The following HERC3 variants were observed in gnomAD, a reference collection of about 807,000 sequenced individuals.
HERC3 encodes the protein probable E3 ubiquitin-protein ligase HERC3.
HERC3 carries 58 observed loss-of-function variants against 129.9 expected under a neutral mutation model. The ratio of observed to expected loss-of-function variants is 0.45; its 90% confidence interval spans 0.36 to 0.56. The LOEUF (loss-of-function observed/expected upper bound fraction) is 0.56, where lower values mean the gene tolerates loss of function less well. HERC3 is among the 20% of genes least tolerant of loss of function. The pLI is 0.00. For missense variants in HERC3, 835 were observed against 1,244.2 expected (o/e 0.67, Z 4.95); for synonymous variants, 430 against 451.0 (o/e 0.95, Z 0.59).
chr4:88,691,345 C>A (rs1465767350), intron 23 of HERC3, among the ~76,000 whole-genome samples: 1 of 152,164 alleles, frequency 6.6e-6, no homozygotes, highest in East Asian at 1.9e-4. Context: ...GTCACAGTTA[C>A]CTGTTTGTCT....
At chr4:88,599,656 TA>T (rs769345190) in intron 2 of HERC3, among the ~76,000 whole-genome samples, 1 of 152,108 alleles carries the variant, frequency 6.6e-6, no homozygotes, top group Non-Finnish European at 1.5e-5. Flanking sequence ...TAATGAGAAT[TA>T]GAAATCCTAA....
chr4:88,534,171 A>C, the HERC3 span, among the ~76,000 whole-genome samples: 123 of 152,338 alleles, frequency 8.1e-4, 4 homozygotes, highest in South Asian at 0.023. Flanking sequence ...CAGCTTCCGG[A>C]TGCTGCTGCT....
At chr4:88,652,829 G>A in intron 5 of HERC3, 40 bp from the exon 6 acceptor site, 1 of 1,568,242 alleles carries the variant, frequency 6.4e-7, no homozygotes, top group Non-Finnish European at 8.7e-7. Context: ...TGTGGAGCTT[G>A]TATCATTTTA....
intron 3 of HERC3, among the ~76,000 whole-genome samples, chr4:88,631,629 C>T (rs1726771442): frequency 1.3e-5 from 2 of 152,188 alleles, no homozygotes; most frequent in Non-Finnish European, 2.9e-5. Context: ...ATTAGATGCT[C>T]ATGGATACTC....
chr4:88,687,322 T>G (rs1460578378), intron 23 of HERC3, 23 bp downstream of exon 23: 5 of 1,428,356 alleles, frequency 3.5e-6, no homozygotes, highest in Non-Finnish European at 3.9e-6. Context: ...CTTGGACTGT[T>G]GCAGATACTG....
At chr4:88,685,080 A>G (rs2149322858) in intron 21 of HERC3, 1 of 152,370 alleles carries the variant, frequency 6.6e-6, no homozygotes, top group South Asian at 2.1e-4. Context: ...AGATTATTAA[A>G]AAGTCAGGAA....
At chr4:88,651,897 CT>C in intron 4 of HERC3, 114 bp from the exon 5 acceptor site, 1 of 832,540 alleles carries the variant, frequency 1.2e-6, no homozygotes, top group Non-Finnish European at 2.0e-6. Context: ...CTTAAAAAGA[CT>C]TTTAGGCAAG....
chr4:88,671,895 G>A (rs140369718), intron 16 of HERC3, among the ~76,000 whole-genome samples: 280 of 152,226 alleles, frequency 1.8e-3, no homozygotes, highest in African/African-American at 5.7e-3. Flanking sequence ...TAACATGGAG[G>A]CTAGTAATGA....
chr4:88,606,845 G>A (rs541084071), intron 3 of HERC3, among the ~76,000 whole-genome samples: 100 of 152,284 alleles, frequency 6.6e-4, no homozygotes, highest in Admixed American at 1.7e-3. Context: ...TGGGGACACA[G>A]CCAAATCATA....
At chr4:88,557,510 T>C in the HERC3 span, among the ~76,000 whole-genome samples, 1 of 152,230 alleles carries the variant, frequency 6.6e-6, no homozygotes, top group Admixed American at 6.5e-5. Context: ...CTAGCACTGA[T>C]ATATTCACAT....
chr4:88,590,623 T>A (rs902313220), upstream of HERC3, among the ~76,000 whole-genome samples: 3 of 152,254 alleles, frequency 2.0e-5, no homozygotes, highest in East Asian at 5.8e-4. Flanking sequence ...GCCAGACATA[T>A]CAACCCAAAC....
At chr4:88,565,970 A>C in the HERC3 span, among the ~76,000 whole-genome samples, 1 of 148,268 alleles carries the variant, frequency 6.7e-6, no homozygotes, top group Non-Finnish European at 1.5e-5. Context: ...TCTTGTTTCC[A>C]TCTTTTTTTT....
chr4:88,584,547 C>A, the HERC3 span, among the ~76,000 whole-genome samples: 3 of 152,160 alleles, frequency 2.0e-5, no homozygotes, highest in East Asian at 1.9e-4. Context: ...GAGGTAGGAT[C>A]TTAGAGAGGT....
the HERC3 span, among the ~76,000 whole-genome samples, chr4:88,532,922 G>A: frequency 1.1e-4 from 16 of 152,288 alleles, no homozygotes; most frequent in African/African-American, 3.4e-4. Context: ...GAACTAATAG[G>A]ATAGATGAAT....
chr4:88,705,616 G>C (rs1735709998), intron 25 of HERC3, among the ~76,000 whole-genome samples: 1 of 152,188 alleles, frequency 6.6e-6, no homozygotes, highest in African/African-American at 2.4e-5. Flanking sequence ...AATACCTTTG[G>C]AAAGGAGAAT....
the HERC3 span, among the ~76,000 whole-genome samples, chr4:88,556,238 AC>A: frequency 6.6e-6 from 1 of 152,150 alleles, no homozygotes; most frequent in African/African-American, 2.4e-5. Context: ...GAGCTGCTAA[AC>A]CCCAAGTGTC....
intron 3 of HERC3, among the ~76,000 whole-genome samples, chr4:88,609,439 AG>A (rs1724047974): frequency 6.6e-6 from 1 of 152,228 alleles, no homozygotes; most frequent in Non-Finnish European, 1.5e-5. Flanking sequence ...GCTACCGTGC[AG>A]TTTCACCATC....
chr4:88,538,679 G>A, the HERC3 span, among the ~76,000 whole-genome samples: 1 of 151,962 alleles, frequency 6.6e-6, no homozygotes, highest in African/African-American at 2.4e-5. Context: ...GAGTAGCTGG[G>A]ACTACAGGTG....
the HERC3 span, among the ~76,000 whole-genome samples, chr4:88,553,533 T>C: frequency 6.6e-6 from 1 of 152,212 alleles, no homozygotes; most frequent in African/African-American, 2.4e-5. Context: ...GAAAATTATT[T>C]TGGGGTTAGT....
Sources: gnomAD v4.1 joint callset for allele counts (sites outside exome capture counted in the v4.1 genomes callset) on GRCh38, gnomAD v4.1.1 for gene constraint, MANE v1.5 for transcripts, NCBI Gene and HGNC (gene_info 2026-07-23, HGNC 2026-07-21) for gene names.